NTN1: variants seen among roughly 807,000 people sequenced by gnomAD.
NTN1 encodes netrin-1.
NTN1 carries 11 observed loss-of-function variants against 54.2 expected under a neutral mutation model. The observed-to-expected ratio is 0.20, with a 90% CI of 0.13 to 0.34. The LOEUF (loss-of-function observed/expected upper bound fraction) is 0.34, where lower values mean the gene tolerates loss of function less well. NTN1 is among the 10% of genes least tolerant of loss of function. NTN1 has a pLI of 1.00. For missense variants in NTN1, 740 were observed against 893.1 expected, an observed-to-expected ratio of 0.83 and a Z score of 2.18; for synonymous variants, 371 against 382.0, an observed-to-expected ratio of 0.97 and a Z score of 0.33.
intron 2 of NTN1, among the ~76,000 whole-genome samples, chr17:9,093,934 A>T (rs1231624049): frequency 6.6e-6 from 1 of 152,204 alleles, no homozygotes; most frequent in East Asian, 1.9e-4. Flanking sequence ...AGATTGTGGC[A>T]CTGCACTCCA....
At chr17:9,216,217 C>T (rs1241579651) in intron 5 of NTN1, among the ~76,000 whole-genome samples, 1 of 152,226 alleles carries the variant, frequency 6.6e-6, no homozygotes, top group Admixed American at 6.5e-5. Context: ...CTTGGCCTCC[C>T]AAGTGCTGGG....
intron 2 of NTN1, among the ~76,000 whole-genome samples, chr17:9,057,566 G>A (rs1525758): frequency 0.16 from 24,404 of 151,882 alleles, 2,253 homozygotes; most frequent in African/African-American, 0.25. Flanking sequence ...TTGATTTCTC[G>A]GGTATTTTCC....
In NTN1 at chr17:9,242,735, T is replaced by G. The variant is rs1458156368; in HGVS notation, c.*2767T>G. 1 of 152,440 alleles carries G rather than the reference T, an allele frequency of 6.6e-6. No homozygotes were observed. Among genetic ancestry groups the G allele is most frequent in the Non-Finnish European group, 1.5e-5 (1 of 68,222 alleles). 9.4% of individuals were successfully genotyped at this position (152,440 alleles called of 1,614,324 possible). A position where few individuals can be genotyped will look rare whatever the true frequency, so the allele number is the denominator to read the frequency against. ...CCAGGTCACTGTTGGGATTGCACGG[T>G]CGTCACGAGCTGCCTTTCCTATCCA... On this transcript the variant is annotated 3_prime_UTR_variant, in exon 7 of 7. Transcript: ENST00000173229.
At chr17:9,202,057 A>C (rs77987681) in intron 5 of NTN1, among the ~76,000 whole-genome samples, 256 of 19,242 alleles carry the variant, frequency 0.013, no homozygotes, top group South Asian at 0.024. Flanking sequence ...CACACACACA[A>C]AAAAAAAAAA....
chr17:9,090,183 CT>C (rs1305938523), intron 2 of NTN1, among the ~76,000 whole-genome samples: 52 of 140,542 alleles, frequency 3.7e-4, no homozygotes, highest in Admixed American at 2.9e-4. Context: ...TTTTCTTTTT[CT>C]TTTTTTTTTT....
intron 3 of NTN1, chr17:9,173,885 A>T (rs2092393663): frequency 6.6e-6 from 1 of 152,318 alleles, no homozygotes; most frequent in East Asian, 1.9e-4. Flanking sequence ...CTAGGAAGGG[A>T]GTTTCCCATC....
intron 2 of NTN1, among the ~76,000 whole-genome samples, chr17:9,087,670 C>T (rs1188618781): frequency 1.3e-5 from 2 of 152,234 alleles, no homozygotes; most frequent in African/African-American, 4.8e-5. Flanking sequence ...TGCTCTTCTC[C>T]ACAATTACCC....
At position 9,221,375 on chromosome 17, in the gene NTN1, A is replaced by G; in HGVS notation, c.1486+133A>G. Reference sequence around the variant, plus strand: ...CCTGTGACCGATGGGAACTAGCCGGACGGATCCCACGCCTGGGAATTTCTC... The same window carrying G: ...CCTGTGACCGATGGGAACTAGCCGGGCGGATCCCACGCCTGGGAATTTCTC... On this transcript the variant is annotated intron_variant, in intron 6 of 6. Transcript: ENST00000173229. The surrounding 1 kb of genome is among the most constrained non-coding windows in gnomAD (Gnocchi z 4.5). 1.4e-6 allele frequency: 1 copy of G among 706,732 alleles called. No individual in the cohort carries two copies. The highest frequency in any genetic ancestry group is 1.6e-5 in the South Asian group (1 of 63,018). The allele number at this position is 706,732 out of a possible 1,614,324, so 43.8% of individuals were successfully genotyped here.
intron 5 of NTN1, among the ~76,000 whole-genome samples, chr17:9,186,008 C>T (rs950071883): frequency 5.9e-5 from 9 of 151,714 alleles, no homozygotes; most frequent in African/African-American, 2.2e-4. Context: ...GGAGTGAGCT[C>T]CTCCTGCTGG....
At chr17:9,029,276 CA>C (rs1453939758) in intron 2 of NTN1, among the ~76,000 whole-genome samples, 1 of 152,140 alleles carries the variant, frequency 6.6e-6, no homozygotes, top group Non-Finnish European at 1.5e-5. Flanking sequence ...TTCAATTAAT[CA>C]GATTGCCACA....
chr17:9,156,811 T>G (rs1267164876), intron 2 of NTN1, among the ~76,000 whole-genome samples: 1 of 152,196 alleles, frequency 6.6e-6, no homozygotes, highest in Non-Finnish European at 1.5e-5. Context: ...AGGGAGTGGT[T>G]CAGGCAGTAA....
At chr17:9,225,260 AAAAAAT>A (rs1567744338) in intron 6 of NTN1, among the ~76,000 whole-genome samples, 1 of 140,940 alleles carries the variant, frequency 7.1e-6, no homozygotes, top group African/African-American at 2.8e-5. Flanking sequence ...GTCTCAAAAA[AAAAAAT>A]AAATAAAAAG....
chr17:9,086,801 CCATCACCAT>C (rs1023826461), intron 2 of NTN1, among the ~76,000 whole-genome samples: 8 of 152,110 alleles, frequency 5.3e-5, no homozygotes, highest in East Asian at 1.9e-4. Context: ...ACCACCTGCA[CCATCACCAT>C]CATCACCATC....
upstream of NTN1, chr17:9,021,501 C>G (rs2091847556): frequency 6.6e-6 from 1 of 152,044 alleles, no homozygotes; most frequent in Non-Finnish European, 1.5e-5. Context: ...GCGCTCCCCT[C>G]CGCCCCTCAC....
At chr17:9,126,705 GGGCTGT>G (rs1299678536) in intron 2 of NTN1, among the ~76,000 whole-genome samples, 1 of 152,154 alleles carries the variant, frequency 6.6e-6, no homozygotes, top group African/African-American at 2.4e-5. Context: ...ATGGGTAGGA[GGGCTGT>G]GGCTAAAGAG....
At chr17:9,146,985 C>T (rs1284760324) in intron 2 of NTN1, among the ~76,000 whole-genome samples, 2 of 152,152 alleles carry the variant, frequency 1.3e-5, no homozygotes, top group African/African-American at 4.8e-5. Flanking sequence ...GATCAGTCTG[C>T]CCTAAAGCTT....
intron 3 of NTN1, among the ~76,000 whole-genome samples, 189 bp from the exon 4 acceptor site, chr17:9,179,618 G>A (rs185878356): frequency 2.1e-3 from 320 of 152,246 alleles, no homozygotes; most frequent in African/African-American, 7.3e-3. Context: ...TTTATTCTCC[G>A]TTTCCAGGTA....
intron 5 of NTN1, among the ~76,000 whole-genome samples, chr17:9,209,429 C>T (rs1364322399): frequency 2.6e-5 from 4 of 152,244 alleles, no homozygotes; most frequent in African/African-American, 9.6e-5. Flanking sequence ...GCGGACCTGT[C>T]AGACTCAGGC....
chr17:9,203,532 CT>C (rs1481309819), intron 5 of NTN1, among the ~76,000 whole-genome samples: 1 of 152,098 alleles, frequency 6.6e-6, no homozygotes, highest in Non-Finnish European at 1.5e-5. Flanking sequence ...GGCGCGGTGG[CT>C]AACCCCTGTA....
Sources: gnomAD v4.1 joint callset for allele counts (sites outside exome capture counted in the v4.1 genomes callset) on GRCh38, gnomAD v4.1.1 for gene constraint, Gnocchi (gnomAD v3.1) non-coding constraint, MANE v1.5 for transcripts, NCBI Gene and HGNC (gene_info 2026-07-23, HGNC 2026-07-21) for gene names.